Variants in GNB1 observed in about 807,000 individuals in gnomAD.
GNB1 encodes the protein G protein subunit beta 1.
GNB1 carries 2 observed loss-of-function variants against 42.9 expected under a neutral mutation model. The observed-to-expected ratio is 0.05, with a 90% confidence interval of 0.02 to 0.15. GNB1 has a LOEUF of 0.15. GNB1 is among the 10% of genes least tolerant of loss of function. The pLI is 1.00. For synonymous variants in GNB1, 183 were observed against 174.7 expected (o/e 1.05, Z -0.38); for missense variants, 193 against 462.2 (o/e 0.42, Z 5.34).
At chr1:1,820,203 A>C (rs1646913270) in intron 3 of GNB1, among the ~76,000 whole-genome samples, 1 of 151,956 alleles carries the variant, frequency 6.6e-6, no homozygotes. Flanking sequence ...CTAAAAACAC[A>C]AAAATTAACC....
At chr1:1,876,510 AGAGAGC>A (rs1032802882) in intron 1 of GNB1, among the ~76,000 whole-genome samples, 4 of 151,784 alleles carry the variant, frequency 2.6e-5, no homozygotes, top group Non-Finnish European at 4.4e-5. Context: ...AGAGAGAGAG[AGAGAGC>A]GAGCGTGCAT....
At chr1:1,847,773 T>C (rs144083258) in intron 1 of GNB1, among the ~76,000 whole-genome samples, 10 of 152,118 alleles carry the variant, frequency 6.6e-5, no homozygotes, top group African/African-American at 2.2e-4. Context: ...AGACTGTGCA[T>C]ATGCTTTTAA....
In GNB1 at chr1:1,849,530, C is replaced by T. The variant is rs998832879; in HGVS notation, c.-95-10292G>A. Among the ~76,000 whole-genome samples, 7 of 152,212 alleles carry T rather than the reference C, an allele frequency of 4.6e-5. No homozygotes were observed. In the South Asian group the frequency reaches 1.2e-3, roughly 27 times the overall value. Reference sequence around the variant, plus strand: ...CAAGCGATCCTCCCACTTCAGTCTCCTGAGTAGCTGAGACCACAGGCACCG... The same window carrying T: ...CAAGCGATCCTCCCACTTCAGTCTCTTGAGTAGCTGAGACCACAGGCACCG... On this transcript the variant is annotated intron_variant, in intron 1 of 11. Transcript: ENST00000378609.
At chr1:1,879,502 C>T (rs760315484) in intron 1 of GNB1, among the ~76,000 whole-genome samples, 1 of 152,044 alleles carries the variant, frequency 6.6e-6, no homozygotes, top group Admixed American at 6.6e-5. Context: ...ATCAGGCGAT[C>T]GAGAGCATCC....
intron 2 of GNB1, among the ~76,000 whole-genome samples, chr1:1,837,416 G>GGCT (rs1217534902): frequency 6.6e-6 from 1 of 151,722 alleles, no homozygotes; most frequent in Non-Finnish European, 1.5e-5. Flanking sequence ...CACCACGCCT[G>GGCT]GCTAATTTTT....
intron 1 of GNB1, among the ~76,000 whole-genome samples, chr1:1,868,925 C>G (rs56044478): frequency 1.3e-5 from 2 of 151,724 alleles, no homozygotes; most frequent in Admixed American, 1.3e-4. Context: ...TGACTCATGC[C>G]TGTAATCCCA....
At chr1:1,811,260 G>T (rs1165950701) in intron 5 of GNB1, among the ~76,000 whole-genome samples, 1 of 151,224 alleles carries the variant, frequency 6.6e-6, no homozygotes, top group Non-Finnish European at 1.5e-5. Context: ...GCTAATTTTT[G>T]TATTTTTAGT....
chr1:1,814,778 A>G (rs1646827405), intron 5 of GNB1, among the ~76,000 whole-genome samples: 1 of 138,220 alleles, frequency 7.2e-6, no homozygotes, highest in Admixed American at 7.8e-5. Context: ...CTCCAGCATG[A>G]CTGAGTGAGA....
chr1:1,814,246 G>A (rs934783544), intron 5 of GNB1, among the ~76,000 whole-genome samples: 1 of 152,066 alleles, frequency 6.6e-6, no homozygotes, highest in Non-Finnish European at 1.5e-5. Flanking sequence ...ACAATTTCAC[G>A]AACAAAGAAA....
At chr1:1,817,939 A>G (rs2100889542) in intron 3 of GNB1, 64 bp from the exon 4 acceptor site, 1 of 1,251,728 alleles carries the variant, frequency 8.0e-7, no homozygotes, top group Non-Finnish European at 1.2e-6. Context: ...AGGTCCACAC[A>G]TACCAAAGTT....
intron 1 of GNB1, among the ~76,000 whole-genome samples, chr1:1,884,090 C>G (rs541873221): frequency 6.6e-6 from 1 of 151,516 alleles, no homozygotes; most frequent in Admixed American, 6.6e-5. Context: ...CTCTGCCTCC[C>G]GAGTAGCTGA....
chr1:1,815,822 C>T lies in GNB1; in HGVS notation c.137G>A (p.Arg46His), dbSNP rs2100858963. The change falls in exon 5 of 12, where the codon CGC (arginine) becomes CAC (histidine). Residue 46 changes from arginine (R) to histidine (H), a missense_variant. Arg to His is a conservative substitution (Grantham distance 29). Transcript: ENST00000378609. Reference protein sequence around the residue: ...NIDPVGRIQMRTRRTLRGHLA... With the variant: ...NIDPVGRIQMHTRRTLRGHLA... ...GTGCCCCCGCAGTGTCCTCCTCGTG[C>T]GCATTTGGATTCTTCCCACTGGGTC... 1.9e-6 allele frequency: 3 copies of T among 1,610,762 alleles called. No homozygotes were observed. The highest frequency in any genetic ancestry group is 1.7e-6 in the Non-Finnish European group (2 of 1,176,862).
Position 1,890,946 on chromosome 1 carries a change from C to T in GNB1, c.-222G>A, listed in dbSNP as rs1455761117. 1 of 147,526 alleles carries T rather than the reference C, an allele frequency of 6.8e-6. No individual in the cohort carries two copies. Among genetic ancestry groups the T allele is most frequent in the Non-Finnish European group, 1.5e-5 (1 of 65,944 alleles). 9.1% of individuals were successfully genotyped at this position (147,526 alleles called of 1,614,324 possible). A position where few individuals can be genotyped will look rare whatever the true frequency, so the allele number is the denominator to read the frequency against. On this transcript the variant is annotated 5_prime_UTR_variant, in exon 1 of 12. Coordinates refer to ENST00000378609, the MANE Select transcript of GNB1 (RefSeq NM_002074.5). ...CGGGCAGGTGCGCGCCGGCGAGGCT[C>T]GGTCCAGTCCCGCCGCGGCGGCTGC...
intron 1 of GNB1, among the ~76,000 whole-genome samples, chr1:1,850,200 G>C (rs919260583): frequency 1.3e-5 from 2 of 150,932 alleles, no homozygotes; most frequent in African/African-American, 4.9e-5. Context: ...GCGGGATCTT[G>C]GCTCACCACA....
At chr1:1,884,618 G>C (rs1029654472) in intron 1 of GNB1, among the ~76,000 whole-genome samples, 1 of 152,146 alleles carries the variant, frequency 6.6e-6, no homozygotes, top group Admixed American at 6.6e-5. Context: ...ACACAGACAT[G>C]CATGGAGACA....
At chr1:1,885,710 C>T (rs1461271628) in intron 1 of GNB1, among the ~76,000 whole-genome samples, 5 of 150,894 alleles carry the variant, frequency 3.3e-5, no homozygotes, top group African/African-American at 1.2e-4. Flanking sequence ...GCGCCCGCCA[C>T]CACACCCAGC....
intron 1 of GNB1, among the ~76,000 whole-genome samples, chr1:1,840,837 T>C (rs1647222269): frequency 6.6e-6 from 1 of 152,230 alleles, no homozygotes; most frequent in Non-Finnish European, 1.5e-5. Context: ...GACATACTTC[T>C]GGTGGAATGA....
chr1:1,838,112 A>G (rs978860084), intron 2 of GNB1, among the ~76,000 whole-genome samples: 5 of 152,010 alleles, frequency 3.3e-5, no homozygotes, highest in African/African-American at 1.2e-4. Flanking sequence ...CTGAGACAGG[A>G]GAATGGCTTG....
intron 3 of GNB1, 104 bp from the exon 4 acceptor site, chr1:1,817,979 G>T: frequency 1.2e-6 from 1 of 862,440 alleles, no homozygotes. Context: ...GCTGTCAGGA[G>T]CAAAAGCAGA....
Sources: allele counts gnomAD v4.1 joint callset (sites outside exome capture counted in the v4.1 genomes callset), GRCh38; gene constraint gnomAD v4.1.1; transcripts MANE v1.5; gene names NCBI Gene and HGNC (gene_info 2026-07-23, HGNC 2026-07-21).